Variants in GUCY2C observed in about 807,000 individuals in gnomAD.
GUCY2C encodes the protein guanylate cyclase 2C, also known as guanylyl cyclase C.
Under a neutral mutation model 131.1 loss-of-function variants are expected in GUCY2C, and 118 were observed. The ratio of observed to expected loss-of-function variants is 0.90; its 90% CI spans 0.78 to 1.05. GUCY2C has a LOEUF of 1.05. GUCY2C is among the 50% of genes least tolerant of loss of function. The probability of loss-of-function intolerance (pLI) is 0.00; values close to 1 mark genes in which losing one functional copy is unlikely to be tolerated. For missense variants in GUCY2C, 1,161 were observed against 1,304.4 expected, an observed-to-expected ratio of 0.89 and a Z score of 1.69; for synonymous variants, 452 against 457.8, an observed-to-expected ratio of 0.99 and a Z score of 0.16.
intron 17 of GUCY2C, 134 bp from the exon 18 acceptor site, chr12:14,641,353 T>C: frequency 1.1e-6 from 1 of 903,942 alleles, no homozygotes; most frequent in Non-Finnish European, 1.7e-6. Context: ...GGCCTTGAAT[T>C]GATATGATTC....
intron 21 of GUCY2C, among the ~76,000 whole-genome samples, chr12:14,624,540 T>C (rs1043910686): frequency 6.6e-6 from 1 of 152,232 alleles, no homozygotes; most frequent in Admixed American, 6.5e-5. Context: ...CAAATAAATG[T>C]CTAAGTGATA....
intron 19 of GUCY2C, among the ~76,000 whole-genome samples, chr12:14,632,371 T>TA (rs1332684997): frequency 3.9e-5 from 6 of 152,202 alleles, no homozygotes; most frequent in Admixed American, 3.9e-4. Flanking sequence ...GTAAAGATCA[T>TA]AAATATCTTA....
At chr12:14,687,500 A>G (rs1406673327) in intron 2 of GUCY2C, among the ~76,000 whole-genome samples, 1 of 152,094 alleles carries the variant, frequency 6.6e-6, no homozygotes, top group Non-Finnish European at 1.5e-5. Context: ...ACATGCCTGT[A>G]GTCCCAGCTA....
At chr12:14,627,590 A>C (rs1167025322) in intron 20 of GUCY2C, among the ~76,000 whole-genome samples, 1 of 152,156 alleles carries the variant, frequency 6.6e-6, no homozygotes, top group Admixed American at 6.5e-5. Flanking sequence ...CAATTACATC[A>C]GCCTCTCTAG....
chr12:14,645,082 T>A, intron 16 of GUCY2C, 147 bp downstream of exon 16: 1 of 522,468 alleles, frequency 1.9e-6, no homozygotes, highest in East Asian at 3.2e-5. Context: ...CACAAAATCC[T>A]CATAACCTAA....
intron 15 of GUCY2C, among the ~76,000 whole-genome samples, chr12:14,648,299 T>C (rs897865640): frequency 6.6e-5 from 10 of 151,984 alleles, no homozygotes; most frequent in Admixed American, 2.0e-4. Context: ...CTATTCCTTT[T>C]GTGAAAGTTG....
intron 1 of GUCY2C, among the ~76,000 whole-genome samples, chr12:14,692,309 T>C (rs1485149962): frequency 6.6e-6 from 1 of 152,232 alleles, no homozygotes; most frequent in Non-Finnish European, 1.5e-5. Flanking sequence ...AGCTTGACAT[T>C]AAAGACATTT....
intron 10 of GUCY2C, among the ~76,000 whole-genome samples, chr12:14,665,041 G>A (rs1947946977): frequency 6.6e-6 from 1 of 151,914 alleles, no homozygotes; most frequent in Admixed American, 6.6e-5. Flanking sequence ...GTGAAACCCC[G>A]TCTCCACTAA....
Position 14,652,996 on chromosome 12 carries a change from G to T in GUCY2C, c.1489C>A (p.Arg497=). 6.2e-7 allele frequency: 1 copy of T among 1,611,410 alleles called. No homozygotes were observed. The highest frequency in any genetic ancestry group is 8.5e-7 in the Non-Finnish European group (1 of 1,177,544). Residue 497 remains arginine, a synonymous_variant, in exon 13 of 27, where the codon CGA becomes AGA. Coordinates refer to ENST00000261170, the MANE Select transcript of GUCY2C (RefSeq NM_004963.4). ...VSLKIDDDKR[R]DTIQRLRQCK... ...TGTCGTAGTCTCTGGATTGTATCTC[G>T]TCTTTTGTCATCATCGATCTGGCAC...
chr12:14,623,410 C>G (rs1034724485), intron 21 of GUCY2C, among the ~76,000 whole-genome samples: 1 of 152,226 alleles, frequency 6.6e-6, no homozygotes, highest in Non-Finnish European at 1.5e-5. Flanking sequence ...GGTGCAATGA[C>G]AAAACTTGGA....
At position 14,622,084 on chromosome 12, in the gene GUCY2C, G is replaced by T; in HGVS notation, c.2522C>A (p.Thr841Asn). 1 of 1,609,962 alleles carries T rather than the reference G, an allele frequency of 6.2e-7. No homozygotes were observed. Among genetic ancestry groups the T allele is most frequent in the Non-Finnish European group, 8.5e-7 (1 of 1,178,208 alleles). Residue 841 changes from threonine to asparagine, a missense_variant, in exon 22 of 27, where the codon ACC (threonine) becomes AAC (asparagine). By Grantham distance (65) the Thr-to-Asn change is moderately conservative. Transcript: ENST00000261170. ...AAGCATGTCCACCACTTCCATGGGG[G>T]TGCTGTATTTGCAGATAGTAGTGAA... ...VGFTTICKYS[T>N]PMEVVDMLND...
At chr12:14,617,739 C>T (rs968518983) in intron 24 of GUCY2C, among the ~76,000 whole-genome samples, 1 of 152,154 alleles carries the variant, frequency 6.6e-6, no homozygotes, top group African/African-American at 2.4e-5. Flanking sequence ...GTATACCTAC[C>T]ATGTACCATG....
chr12:14,678,982 A>T (rs1332207510), intron 6 of GUCY2C, among the ~76,000 whole-genome samples: 2 of 152,202 alleles, frequency 1.3e-5, no homozygotes, highest in Non-Finnish European at 2.9e-5. Flanking sequence ...AAAGATCACC[A>T]CCTAGTGACT....
At chr12:14,657,114 G>A (rs1947779363) in intron 11 of GUCY2C, among the ~76,000 whole-genome samples, 1 of 152,196 alleles carries the variant, frequency 6.6e-6, no homozygotes, top group South Asian at 2.1e-4. Context: ...ACAGGCCATG[G>A]ACTGGGGTTT....
intron 15 of GUCY2C, among the ~76,000 whole-genome samples, chr12:14,648,895 G>C (rs986837723): frequency 2.6e-5 from 4 of 152,170 alleles, no homozygotes; most frequent in African/African-American, 7.2e-5. Context: ...GACAGTCTTT[G>C]CAATGTTAAG....
chr12:14,638,525 C>A (rs1414843980), intron 19 of GUCY2C, among the ~76,000 whole-genome samples: 1 of 152,132 alleles, frequency 6.6e-6, no homozygotes, highest in Non-Finnish European at 1.5e-5. Flanking sequence ...CAATAGAATA[C>A]CATTTAGCCA....
rs150242453 is a variant in GUCY2C at position 14,674,984 on chromosome 12, C to T, written c.949-224G>A. Among the ~76,000 whole-genome samples the T allele has an allele frequency of 3.2e-4, 49 of 151,784 alleles. No individual in the cohort carries two copies. In the East Asian group the frequency reaches 8.4e-3, roughly 26 times the overall value. ...CAGCATTTTGGGAGGCTGAGGAGGG[C>T]GGAGCACCTGAGTTCAGGAGTTTGA... is the stretch of plus-strand genomic sequence containing the variant. On this transcript the variant is annotated intron_variant, in intron 7 of 26. Transcript: ENST00000261170.
intron 6 of GUCY2C, among the ~76,000 whole-genome samples, chr12:14,679,121 G>A (rs1383601155): frequency 6.6e-6 from 1 of 152,182 alleles, no homozygotes; most frequent in East Asian, 1.9e-4. Context: ...GAGAAAAATG[G>A]GGCTGACATT....
intron 24 of GUCY2C, among the ~76,000 whole-genome samples, chr12:14,617,718 A>C (rs1946799255): frequency 6.6e-6 from 1 of 152,212 alleles, no homozygotes; most frequent in Non-Finnish European, 1.5e-5. Flanking sequence ...GAATAATGAC[A>C]ATCCCAAATT....
Sources: gnomAD v4.1 joint callset for allele counts (sites outside exome capture counted in the v4.1 genomes callset) on GRCh38, gnomAD v4.1.1 for gene constraint, MANE v1.5 for transcripts, NCBI Gene and HGNC (gene_info 2026-07-23, HGNC 2026-07-21) for gene names.